The following STRN3 variants were observed in gnomAD, a reference collection of about 807,000 sequenced individuals.
The protein encoded by STRN3 is striatin 3.
A neutral mutation model predicts 95.6 loss-of-function variants in STRN3; 29 were observed. The observed-to-expected ratio is 0.30, with a 90% CI of 0.23 to 0.41. The LOEUF (loss-of-function observed/expected upper bound fraction) is 0.41, where lower values mean the gene tolerates loss of function less well. STRN3 is among the 10% of genes least tolerant of loss of function. The probability of loss-of-function intolerance (pLI) is 1.00; values close to 1 mark genes in which losing one functional copy is unlikely to be tolerated. For missense variants in STRN3, 890 were observed against 972.1 expected (o/e 0.92, Z 1.12); for synonymous variants, 331 against 357.6 (o/e 0.93, Z 0.84).
intron 1 of STRN3, among the ~76,000 whole-genome samples, chr14:30,984,321 A>G (rs66463317): frequency 0.39 from 56,596 of 145,472 alleles, 12,133 homozygotes; most frequent in Non-Finnish European, 0.46. Flanking sequence ...ACGCTGTTGC[A>G]TGAACCCAAG....
Position 30,894,008 on chromosome 14 carries a change from ACAAAACTCAT to A in STRN3, c.*1393_*1402del, listed in dbSNP as rs1440918038. ...TCATAGTTTGTAAAACAAAAACCTT[ACAAAACTCAT>A]CAAAACTCGCAAACTGATCAGAAAA... On this transcript the variant is annotated 3_prime_UTR_variant, in exon 18 of 18. Transcript: ENST00000357479. 3 of 152,622 alleles carry A rather than the reference ACAAAACTCAT, an allele frequency of 2.0e-5. No individual in the cohort carries two copies. Among genetic ancestry groups the A allele is most frequent in the Non-Finnish European group, 2.9e-5 (2 of 68,014 alleles). The allele number at this position is 152,622 out of a possible 1,614,324, so 9.5% of individuals were successfully genotyped here.
chr14:31,008,021 C>A (rs1882798774), intron 1 of STRN3, among the ~76,000 whole-genome samples: 1 of 151,364 alleles, frequency 6.6e-6, no homozygotes, highest in African/African-American at 2.4e-5. Flanking sequence ...CATGGTTAAA[C>A]CGAGTCTCTA....
At chr14:30,901,997 G>A (rs911197535) in intron 16 of STRN3, among the ~76,000 whole-genome samples, 11 of 151,128 alleles carry the variant, frequency 7.3e-5, no homozygotes, top group East Asian at 1.9e-4. Flanking sequence ...GAGAAACCCC[G>A]TCTCTACTAA....
chr14:30,910,014 A>G (rs1285750174), intron 13 of STRN3, among the ~76,000 whole-genome samples: 1 of 152,158 alleles, frequency 6.6e-6, no homozygotes. Context: ...TTACTGGACT[A>G]CTTTATGACA....
At chr14:30,986,796 A>T (rs1191911597) in intron 1 of STRN3, among the ~76,000 whole-genome samples, 1 of 152,218 alleles carries the variant, frequency 6.6e-6, no homozygotes, top group South Asian at 2.1e-4. Context: ...TCTTAAACAG[A>T]AGATATCAAC....
chr14:30,960,508 G>C (rs959708866), intron 1 of STRN3, among the ~76,000 whole-genome samples: 11 of 151,092 alleles, frequency 7.3e-5, no homozygotes, highest in Non-Finnish European at 1.5e-4. Context: ...TGGCAGTGCA[G>C]AACATTGAGA....
At chr14:30,992,904 G>A (rs1383463976) in intron 1 of STRN3, among the ~76,000 whole-genome samples, 1 of 152,094 alleles carries the variant, frequency 6.6e-6, no homozygotes, top group Non-Finnish European at 1.5e-5. Context: ...TGCCTAGGCT[G>A]GTCTCAAACT....
chr14:30,994,192 T>A (rs1255110517), intron 1 of STRN3, among the ~76,000 whole-genome samples: 3 of 152,062 alleles, frequency 2.0e-5, no homozygotes, highest in East Asian at 1.9e-4. Flanking sequence ...GGTTTCAATA[T>A]GTTGGCCAGG....
In STRN3 at chr14:30,912,017, G is replaced by A. The variant is rs752044428; in HGVS notation, c.1540C>T (p.Pro514Ser). The A allele has an allele frequency of 3.7e-6, 6 of 1,607,154 alleles. No homozygotes were observed. The Admixed American group carries it at 6.9e-5, about 18-fold the overall frequency. The change falls in exon 11 of 18, where the codon CCT (proline) becomes TCT (serine). Residue 514 changes from proline to serine, a missense_variant. Physicochemically the swap from Pro to Ser is moderately conservative, Grantham distance 74. Around this residue, in one of 3 missense-constraint regions of STRN3, gnomAD observed 357 missense variants for 422.8 expected, o/e 0.84. Transcript: ENST00000357479. Reference protein sequence around the residue: ...LKLWNLQKTVPAKKSASLDVE... With the variant: ...LKLWNLQKTVSAKKSASLDVE... ...CACTAAAATACTTGCTTTTTGGCAG[G>A]AACTGTTTTTTGCAGGTTCCAAAGT...
intron 7 of STRN3, among the ~76,000 whole-genome samples, chr14:30,929,977 A>C (rs954541509): frequency 7.3e-5 from 11 of 150,078 alleles, no homozygotes; most frequent in East Asian, 1.9e-4. Flanking sequence ...AAAAAAAAAA[A>C]AACTCAAATT....
Position 30,895,566 on chromosome 14 carries a change from T to A in STRN3, c.2239A>T (p.Ile747Phe). Residue 747 changes from isoleucine to phenylalanine, a missense_variant, in exon 18 of 18, where the codon ATC (isoleucine) becomes TTC (phenylalanine). By Grantham distance (21) the Ile-to-Phe change is conservative (BLOSUM62 0). Coordinates refer to ENST00000357479, the MANE Select transcript of STRN3 (RefSeq NM_001083893.2). ...TTGCTGTCTAAATTCCATAATCTGA[T>A]GGAACAGTCATGGCCTGTAAAAGAA... ...YLMSGSHDCS[I>F]RLWNLDSKTC... 6.2e-7 allele frequency: 1 copy of A among 1,613,754 alleles called. No individual in the cohort carries two copies. The highest frequency in any genetic ancestry group is 8.5e-7 in the Non-Finnish European group (1 of 1,179,762).
chr14:30,928,035 T>C (rs777874057), intron 8 of STRN3, among the ~76,000 whole-genome samples: 1 of 152,116 alleles, frequency 6.6e-6, no homozygotes, highest in Non-Finnish European at 1.5e-5. Flanking sequence ...CTCAGCATGC[T>C]TGCATTATAG....
chr14:30,920,927 A>G (rs2139019703), intron 8 of STRN3, among the ~76,000 whole-genome samples: 1 of 152,182 alleles, frequency 6.6e-6, no homozygotes. Context: ...TCTTTTAATG[A>G]TCCACAATAC....
chr14:30,961,751 G>A (rs971253002), intron 1 of STRN3, among the ~76,000 whole-genome samples: 4 of 152,102 alleles, frequency 2.6e-5, no homozygotes, highest in African/African-American at 7.2e-5. Context: ...CTTAAGGCTC[G>A]GGCCACCAGC....
At chr14:30,963,783 A>G (rs933223764) in intron 1 of STRN3, among the ~76,000 whole-genome samples, 1 of 152,218 alleles carries the variant, frequency 6.6e-6, no homozygotes, top group Non-Finnish European at 1.5e-5. Flanking sequence ...TTAGAAATCA[A>G]TAACAAAAGA....
intron 1 of STRN3, among the ~76,000 whole-genome samples, chr14:30,975,366 A>C (rs142642434): frequency 6.6e-6 from 1 of 152,060 alleles, no homozygotes; most frequent in African/African-American, 2.4e-5. Flanking sequence ...ATGCAAAGAC[A>C]TAAGAATGAT....
chr14:30,921,776 C>A (rs543146785), intron 8 of STRN3, among the ~76,000 whole-genome samples: 1 of 152,062 alleles, frequency 6.6e-6, no homozygotes, highest in Non-Finnish European at 1.5e-5. Context: ...ATATTGAAGG[C>A]CCATTAAGCA....
Position 30,895,640 on chromosome 14 carries a change from A to G in STRN3, c.2224+22T>C, listed in dbSNP as rs757434511. The G allele has an allele frequency of 1.7e-5, 28 of 1,610,044 alleles. 1 individual carries two copies. Among genetic ancestry groups the G allele is most frequent in the South Asian group, 4.4e-5 (4 of 90,264 alleles). On this transcript the variant is annotated intron_variant, in intron 17 of 17. Coordinates refer to ENST00000357479, the MANE Select transcript of STRN3 (RefSeq NM_001083893.2). ...ACAATCTTTTATAAAGTTTGTGGGC[A>G]GTACAGGACTTTAAGACTTACTTCC... is the stretch of plus-strand genomic sequence containing the variant.
chr14:31,021,973 T>C (rs543131709), intron 1 of STRN3, among the ~76,000 whole-genome samples: 3 of 152,250 alleles, frequency 2.0e-5, no homozygotes, highest in East Asian at 1.9e-4. Context: ...ACTCCCTTAA[T>C]ACTATCAATA....
Sources: allele counts gnomAD v4.1 joint callset (sites outside exome capture counted in the v4.1 genomes callset), GRCh38; gene constraint gnomAD v4.1.1; regional missense constraint gnomAD v4.1.1; transcripts MANE v1.5; gene names NCBI Gene and HGNC (gene_info 2026-07-23, HGNC 2026-07-21).